Variants in TUSC3 observed in about 807,000 individuals in gnomAD.
TUSC3 encodes tumor suppressor candidate 3.
TUSC3 carries 45 observed loss-of-function variants against 44.8 expected under a neutral mutation model. The ratio of observed to expected loss-of-function variants is 1.00; its 90% CI spans 0.79 to 1.29. The LOEUF (loss-of-function observed/expected upper bound fraction) is 1.29. Ranked by LOEUF, TUSC3 falls within the 50% of genes most tolerant of loss-of-function variation. The probability of loss-of-function intolerance (pLI) is 0.00; values close to 1 mark genes in which losing one functional copy is unlikely to be tolerated. For missense variants in TUSC3, 519 were observed against 437.9 expected, an observed-to-expected ratio of 1.19 and a Z score of -1.65; for synonymous variants, 212 against 152.9, an observed-to-expected ratio of 1.39 and a Z score of -2.85.
chr8:15,446,016 G>T lies in TUSC3; in HGVS notation n.91+28711G>T, dbSNP rs28412957. Among the ~76,000 whole-genome samples the T allele has an allele frequency of 8.7e-3, 1,308 of 150,976 alleles. 18 individuals carry two copies. The highest frequency in any genetic ancestry group is 0.029 in the African/African-American group (1,210 of 41,104). Reference sequence around the variant, plus strand: ...ACGCTCCTCACTTCCCAGACGGGCCGGCTGCCGGGCGGAGGGGCTCCTCAC... The same window carrying T: ...ACGCTCCTCACTTCCCAGACGGGCCTGCTGCCGGGCGGAGGGGCTCCTCAC... On this transcript the variant is annotated intron_variant and non_coding_transcript_variant, in intron 1 of 5. Transcript: ENST00000503191.
chr8:15,432,943 G>T (rs1254652554), intron 1 of TUSC3, among the ~76,000 whole-genome samples: 2 of 152,118 alleles, frequency 1.3e-5, no homozygotes, highest in Admixed American at 1.3e-4. Context: ...TTGTTAAGAA[G>T]AACAGAATGC....
chr8:15,603,031 A>G (rs1387313186), intron 1 of TUSC3, among the ~76,000 whole-genome samples: 1 of 151,642 alleles, frequency 6.6e-6, no homozygotes, highest in Non-Finnish European at 1.5e-5. Flanking sequence ...ATTGGACCAC[A>G]GTAAAAAAAG....
At chr8:15,646,774 A>C (rs1806651500) in intron 2 of TUSC3, among the ~76,000 whole-genome samples, 1 of 152,068 alleles carries the variant, frequency 6.6e-6, no homozygotes, top group African/African-American at 2.4e-5. Context: ...CTGCTTTGTA[A>C]TTTTTTTCTT....
rs141218740 is a variant in TUSC3 at position 15,695,071 on chromosome 8, C to T, written c.798+21235C>T. 1.3e-3 allele frequency among the ~76,000 whole-genome samples: 191 copies of T among 152,282 alleles called. 3 individuals carry two copies. In the Middle Eastern group the frequency reaches 0.02, roughly 16 times the overall value. ...CCATTCACACTGACAGCAGTGGCAG[C>T]GCAGCGTTTGCGGAGAGGCCACTAG... On this transcript the variant is annotated intron_variant, in intron 6 of 10. Coordinates refer to ENST00000503731, the MANE Select transcript of TUSC3 (RefSeq NM_006765.4).
In TUSC3 at chr8:15,514,181, G is replaced by A. The variant is rs73665424; in HGVS notation, n.189+30698G>A. ...GCCGCATTATTTAAGGGAGTGTTGTGCTCTAGTAATTACGTAGATACCCAG... is the reference window on the plus strand; with the variant it reads ...GCCGCATTATTTAAGGGAGTGTTGTACTCTAGTAATTACGTAGATACCCAG... On this transcript the variant is annotated intron_variant and non_coding_transcript_variant, in intron 2 of 5. Transcript: ENST00000503191. 9.0e-3 allele frequency among the ~76,000 whole-genome samples: 1,365 copies of A among 152,224 alleles called. 23 individuals carry two copies. Among genetic ancestry groups the A allele is most frequent in the African/African-American group, 0.032 (1,313 of 41,524 alleles).
At position 15,547,180 on chromosome 8, in the gene TUSC3, A is replaced by G. The variant is rs17657800; in HGVS notation, c.138+6612A>G. Among the ~76,000 whole-genome samples, 1,415 of 151,768 alleles carry G rather than the reference A, an allele frequency of 9.3e-3. 84 individuals are homozygous for G. Among genetic ancestry groups the G allele is most frequent in the East Asian group, 0.06 (309 of 5,116 alleles). On this transcript the variant is annotated intron_variant, in intron 1 of 10. Coordinates refer to ENST00000503731, the MANE Select transcript of TUSC3 (RefSeq NM_006765.4). ...TACCATGAGAACTCAAGTACCTATAATGTAATGGAAAGGGCACTTTAGTAC... is the reference window on the plus strand; with the variant it reads ...TACCATGAGAACTCAAGTACCTATAGTGTAATGGAAAGGGCACTTTAGTAC...
intron 1 of TUSC3, among the ~76,000 whole-genome samples, chr8:15,470,258 C>CAAAA (rs75794739): frequency 9.8e-6 from 1 of 101,776 alleles, no homozygotes; most frequent in African/African-American, 3.9e-5. Flanking sequence ...GACCCTGTCT[C>CAAAA]AAAAAAAAAA....
At chr8:15,723,152 C>T (rs1810369079) in intron 6 of TUSC3, among the ~76,000 whole-genome samples, 1 of 152,062 alleles carries the variant, frequency 6.6e-6, no homozygotes, top group African/African-American at 2.4e-5. Context: ...TTTTGATCCT[C>T]AAATAGGAAA....
intron 1 of TUSC3, among the ~76,000 whole-genome samples, chr8:15,420,612 C>T (rs183406500): frequency 6.6e-6 from 1 of 152,038 alleles, no homozygotes; most frequent in Admixed American, 6.5e-5. Context: ...AAAAATTCCT[C>T]TGAAGATTAT....
At chr8:15,731,970 G>A (rs192399420) in intron 7 of TUSC3, among the ~76,000 whole-genome samples, 75 of 152,224 alleles carry the variant, frequency 4.9e-4, no homozygotes, top group Middle Eastern at 3.4e-3. Flanking sequence ...GAAGCACTTG[G>A]AATTCTCAAG....
intron 9 of TUSC3, among the ~76,000 whole-genome samples, chr8:15,751,473 C>G (rs142101366): frequency 2.0e-5 from 3 of 152,074 alleles, no homozygotes; most frequent in Non-Finnish European, 1.5e-5. Context: ...TATATACTAC[C>G]GGTTCTCACT....
intron 10 of TUSC3, among the ~76,000 whole-genome samples, chr8:15,763,823 A>G (rs914414582): frequency 2.0e-5 from 3 of 152,092 alleles, no homozygotes; most frequent in Admixed American, 1.3e-4. Context: ...TAGAGAAAAA[A>G]TATTTTTAGG....
chr8:15,440,398 T>A (rs1477844766), intron 1 of TUSC3, among the ~76,000 whole-genome samples: 1 of 152,102 alleles, frequency 6.6e-6, no homozygotes, highest in Non-Finnish European at 1.5e-5. Context: ...GTCTTGAGGA[T>A]CTATGCAGAA....
chr8:15,828,510 T>C, the TUSC3 span, among the ~76,000 whole-genome samples: 2 of 152,232 alleles, frequency 1.3e-5, no homozygotes, highest in African/African-American at 4.8e-5. Flanking sequence ...TGAAGTGTGC[T>C]ACCAACTGTT....
chr8:15,776,169 A>T, the TUSC3 span, among the ~76,000 whole-genome samples: 1 of 152,120 alleles, frequency 6.6e-6, no homozygotes, highest in Non-Finnish European at 1.5e-5. Context: ...AACACTTTTC[A>T]GCTGATTATG....
chr8:15,552,317 A>G (rs1428831914), intron 1 of TUSC3, among the ~76,000 whole-genome samples: 1 of 151,762 alleles, frequency 6.6e-6, no homozygotes, highest in Non-Finnish European at 1.5e-5. Context: ...GGTGAATACT[A>G]CATGTTAGGT....
chr8:15,748,351 A>C, intron 8 of TUSC3, 24 bp from the exon 9 acceptor site: 1 of 1,558,948 alleles, frequency 6.4e-7, no homozygotes, highest in Non-Finnish European at 8.8e-7. Context: ...TTAGACACTA[A>C]TGGTATTTTC....
intron 6 of TUSC3, among the ~76,000 whole-genome samples, chr8:15,683,245 T>G (rs1018038120): frequency 6.6e-6 from 1 of 152,214 alleles, no homozygotes; most frequent in Non-Finnish European, 1.5e-5. Flanking sequence ...AAATATGTTT[T>G]CCATGTTTTC....
chr8:15,476,813 T>C (rs1167600909), intron 1 of TUSC3, among the ~76,000 whole-genome samples: 2 of 152,180 alleles, frequency 1.3e-5, no homozygotes, highest in Non-Finnish European at 2.9e-5. Flanking sequence ...CCCATGCAAA[T>C]GAAGTAGTGG....
Sources: gnomAD v4.1 joint callset for allele counts (sites outside exome capture counted in the v4.1 genomes callset) on GRCh38, gnomAD v4.1.1 for gene constraint, MANE v1.5 for transcripts, NCBI Gene and HGNC (gene_info 2026-07-23, HGNC 2026-07-21) for gene names.